Variants in PTPRD observed in about 807,000 individuals in gnomAD.
PTPRD encodes protein tyrosine phosphatase receptor type D.
In PTPRD, 34 loss-of-function variants were observed where a neutral mutation model predicts 214.5. The ratio of observed to expected loss-of-function variants is 0.16; its 90% CI spans 0.12 to 0.21. The LOEUF (loss-of-function observed/expected upper bound fraction) is 0.21. Among genes scored for constraint, PTPRD ranks in the 10% least tolerant of loss-of-function variants. The probability of loss-of-function intolerance (pLI) is 1.00; values close to 1 mark genes in which losing one functional copy is unlikely to be tolerated. For missense variants in PTPRD, 2,545 were observed against 2,398.7 expected (o/e 1.06, Z -1.27); for synonymous variants, 1,128 against 845.7 (o/e 1.33, Z -5.79).
chr9:9,657,268 T>C (rs1035043916), intron 7 of PTPRD, among the ~76,000 whole-genome samples: 1 of 150,968 alleles, frequency 6.6e-6, no homozygotes, highest in Non-Finnish European at 1.5e-5. Context: ...TGAAATACTA[T>C]GCAGCCATAA....
At chr9:10,476,085 G>GC (rs2099060671) in intron 2 of PTPRD, among the ~76,000 whole-genome samples, 1 of 152,084 alleles carries the variant, frequency 6.6e-6, no homozygotes, top group South Asian at 2.1e-4. Flanking sequence ...AACAAGTTAT[G>GC]CCCCCTCTCA....
intron 4 of PTPRD, among the ~76,000 whole-genome samples, chr9:10,016,394 T>C (rs898463402): frequency 4.1e-5 from 1 of 24,580 alleles, no homozygotes; most frequent in African/African-American, 1.0e-4. Context: ...GATAGATAGA[T>C]AGACAGATAG....
At chr9:8,931,309 C>G (rs574016706) in intron 11 of PTPRD, among the ~76,000 whole-genome samples, 69 of 151,902 alleles carry the variant, frequency 4.5e-4, no homozygotes, top group African/African-American at 1.6e-3. Flanking sequence ...CTGTTCTGTT[C>G]CATTGGTCTA....
chr9:8,925,851 T>G (rs188152128), intron 11 of PTPRD, among the ~76,000 whole-genome samples: 6 of 127,604 alleles, frequency 4.7e-5, no homozygotes, highest in African/African-American at 1.9e-4. Flanking sequence ...AGCTGGACTA[T>G]TGCAATATTT....
At chr9:8,589,121 C>A (rs1014306031) in intron 14 of PTPRD, among the ~76,000 whole-genome samples, 1 of 152,132 alleles carries the variant, frequency 6.6e-6, no homozygotes, top group Non-Finnish European at 1.5e-5. Context: ...GAATTTCTAG[C>A]GCAAAGGAAA....
chr9:10,548,333 C>T (rs2060583946), intron 2 of PTPRD, among the ~76,000 whole-genome samples: 2 of 152,178 alleles, frequency 1.3e-5, no homozygotes, highest in African/African-American at 4.8e-5. Context: ...ATCAATCATA[C>T]ACAGAAGGAG....
At chr9:9,558,279 G>A (rs923573178) in intron 8 of PTPRD, among the ~76,000 whole-genome samples, 3 of 152,176 alleles carry the variant, frequency 2.0e-5, no homozygotes, top group Non-Finnish European at 4.4e-5. Flanking sequence ...GCCTTTCCAT[G>A]TTATGGCTAC....
chr9:10,421,946 G>C (rs1172202658), intron 2 of PTPRD, among the ~76,000 whole-genome samples: 1 of 151,914 alleles, frequency 6.6e-6, no homozygotes, highest in African/African-American at 2.4e-5. Context: ...TTATAGATTA[G>C]TATGGAGAAT....
chr9:9,899,433 C>T (rs1455980325), intron 5 of PTPRD, among the ~76,000 whole-genome samples: 3 of 151,766 alleles, frequency 2.0e-5, no homozygotes, highest in Non-Finnish European at 2.9e-5. Context: ...ATACAAATGG[C>T]TAAGTATATA....
At chr9:10,154,178 G>A (rs112066512) in intron 3 of PTPRD, among the ~76,000 whole-genome samples, 3 of 152,178 alleles carry the variant, frequency 2.0e-5, no homozygotes, top group Non-Finnish European at 4.4e-5. Flanking sequence ...ACTGGTGTGA[G>A]ATGGTATCTC....
intron 10 of PTPRD, among the ~76,000 whole-genome samples, chr9:9,049,785 G>C (rs1012987491): frequency 1.3e-5 from 2 of 152,140 alleles, no homozygotes; most frequent in African/African-American, 2.4e-5. Context: ...AATGATTTGA[G>C]TCCTGCCCTG....
At chr9:10,431,034 T>C (rs927970393) in intron 2 of PTPRD, among the ~76,000 whole-genome samples, 5 of 152,002 alleles carry the variant, frequency 3.3e-5, no homozygotes, top group Non-Finnish European at 7.4e-5. Context: ...AGTAAGCTAG[T>C]TAGAAGTATA....
chr9:10,315,514 A>G (rs1015671370), intron 3 of PTPRD, among the ~76,000 whole-genome samples: 9 of 152,012 alleles, frequency 5.9e-5, no homozygotes, highest in African/African-American at 2.2e-4. Flanking sequence ...AATTTATTAT[A>G]TGCAATATGA....
rs1005391453 is a variant in PTPRD, at chr9:8,465,730, T to C, written c.3505-55A>G. ...GAACTGTAAATAATAACCCAGCTTA[T>C]TGATAATTTAATGAGATAAATTAAT... On this transcript the variant is annotated intron_variant, in intron 31 of 45. Coordinates refer to ENST00000381196, the MANE Select transcript of PTPRD (RefSeq NM_002839.4). The C allele has an allele frequency of 2.2e-5, 32 of 1,464,446 alleles. No homozygotes were observed. In the East Asian group the frequency reaches 3.3e-4, roughly 15 times the overall value. 90.7% of individuals were successfully genotyped at this position (1,464,446 alleles called of 1,614,324 possible).
chr9:8,939,896 C>T (rs1466679659), intron 11 of PTPRD, among the ~76,000 whole-genome samples: 1 of 151,504 alleles, frequency 6.6e-6, no homozygotes, highest in Non-Finnish European at 1.5e-5. Flanking sequence ...ATTTATTTTT[C>T]AAAACTAAAG....
At chr9:8,479,677 C>T (rs923658068) in intron 30 of PTPRD, among the ~76,000 whole-genome samples, 2 of 152,188 alleles carry the variant, frequency 1.3e-5, no homozygotes, top group African/African-American at 4.8e-5. Flanking sequence ...ATAGCTAACA[C>T]ATTCTAGCAA....
intron 11 of PTPRD, among the ~76,000 whole-genome samples, chr9:8,911,910 G>A (rs1333978400): frequency 2.6e-5 from 4 of 151,956 alleles, no homozygotes; most frequent in Admixed American, 1.3e-4. Flanking sequence ...AAAAATTCTC[G>A]CTTCGTTAGT....
chr9:8,361,233 A>C (rs931518017), intron 39 of PTPRD, among the ~76,000 whole-genome samples: 1 of 152,212 alleles, frequency 6.6e-6, no homozygotes, highest in African/African-American at 2.4e-5. Flanking sequence ...TTCACAGATT[A>C]AAAGAAAAAT....
At chr9:10,014,586 G>C (rs2096663412) in intron 4 of PTPRD, among the ~76,000 whole-genome samples, 1 of 151,902 alleles carries the variant, frequency 6.6e-6, no homozygotes, top group African/African-American at 2.4e-5. Flanking sequence ...AACACTTTCA[G>C]TATATTTTAC....
Sources: allele counts gnomAD v4.1 joint callset (sites outside exome capture counted in the v4.1 genomes callset), GRCh38; gene constraint gnomAD v4.1.1; transcripts MANE v1.5; gene names NCBI Gene and HGNC (gene_info 2026-07-23, HGNC 2026-07-21).